The following ODAD2 variants were observed in gnomAD, a reference collection of about 807,000 sequenced individuals.
ODAD2 encodes the protein outer dynein arm-docking complex subunit 2.
ODAD2 carries 89 observed loss-of-function variants against 106.8 expected under a neutral mutation model. The observed-to-expected ratio is 0.83, with a 90% CI of 0.70 to 0.99. ODAD2 has a LOEUF of 0.99. ODAD2 is among the 50% of genes least tolerant of loss of function. The probability of loss-of-function intolerance (pLI) is 0.00; values close to 1 mark genes in which losing one functional copy is unlikely to be tolerated. For synonymous variants in ODAD2, 404 were observed against 436.2 expected (o/e 0.93, Z 0.92); for missense variants, 1,168 against 1,238.5 (o/e 0.94, Z 0.85).
At chr10:27,832,136 C>T (rs997507232) in intron 19 of ODAD2, among the ~76,000 whole-genome samples, 7 of 152,334 alleles carry the variant, frequency 4.6e-5, no homozygotes, top group East Asian at 1.9e-4. Flanking sequence ...GCTGCAGCAA[C>T]GAATGAGGCT....
chr10:27,822,125 C>T lies in ODAD2; in HGVS notation c.3022-9500G>A, dbSNP rs982160088. Among the ~76,000 whole-genome samples, 8 of 152,204 alleles carry T rather than the reference C, an allele frequency of 5.3e-5. No homozygotes were observed. The South Asian group carries it at 1.7e-3, about 31-fold the overall frequency. ...TGTAAAAGGCTTTGATCTTAAGGTT[C>T]ATGCCCTCGGCATGCAGCTGTGACC... On this transcript the variant is annotated intron_variant, in intron 19 of 19. Coordinates refer to ENST00000305242, the MANE Select transcript of ODAD2 (RefSeq NM_018076.5).
At chr10:27,826,781 C>A (rs1374844536) in intron 19 of ODAD2, among the ~76,000 whole-genome samples, 1 of 152,118 alleles carries the variant, frequency 6.6e-6, no homozygotes, top group African/African-American at 2.4e-5. Context: ...CCTTCCTGCT[C>A]TTGCCAATTA....
chr10:27,942,434 C>T (rs1233018588), intron 12 of ODAD2, among the ~76,000 whole-genome samples: 3 of 152,084 alleles, frequency 2.0e-5, no homozygotes, highest in African/African-American at 7.2e-5. Context: ...TTGTTTATAT[C>T]AGTTAGTCTA....
intron 17 of ODAD2, among the ~76,000 whole-genome samples, chr10:27,875,578 G>A (rs1256211030): frequency 2.0e-5 from 3 of 152,180 alleles, no homozygotes; most frequent in Non-Finnish European, 4.4e-5. Context: ...TTCCAAGATG[G>A]CCGAATAGGA....
At chr10:27,832,250 A>G (rs948417787) in intron 19 of ODAD2, among the ~76,000 whole-genome samples, 30 of 152,254 alleles carry the variant, frequency 2.0e-4, no homozygotes, top group African/African-American at 7.2e-4. Context: ...AAACTTATTA[A>G]TCACTCTTTT....
chr10:27,907,859 T>C, intron 16 of ODAD2, 82 bp from the exon 17 acceptor site: 15 of 960,408 alleles, frequency 1.6e-5, no homozygotes, highest in Non-Finnish European at 2.0e-5. Flanking sequence ...TATTTAATTA[T>C]TTTTTCTCCT....
intron 16 of ODAD2, among the ~76,000 whole-genome samples, chr10:27,930,946 C>T (rs191057685): frequency 4.7e-4 from 72 of 152,232 alleles, no homozygotes; most frequent in African/African-American, 7.0e-4. Context: ...CTTTTCACTC[C>T]GAAATGTCTA....
Position 27,981,469 on chromosome 10 carries a change from T to C in ODAD2, c.933A>G (p.Lys311=). Residue 311 remains lysine, a synonymous_variant, in exon 7 of 20, where the codon AAA becomes AAG. Coordinates refer to ENST00000305242, the MANE Select transcript of ODAD2 (RefSeq NM_018076.5). ...CAAAAGAAACCATAAAACTTACCAA[T>C]TTAGACATATTTTCTGAAAATTTTG... ...KSPKFSENMS[K]LGISFSEDQQ... is the part of the protein sequence containing the mutation. 4.0e-6 allele frequency: 6 copies of C among 1,505,892 alleles called. No individual in the cohort carries two copies. Among genetic ancestry groups the C allele is most frequent in the Non-Finnish European group, 5.3e-6 (6 of 1,137,568 alleles). 93.3% of individuals were successfully genotyped at this position (1,505,892 alleles called of 1,614,324 possible).
intron 8 of ODAD2, among the ~76,000 whole-genome samples, chr10:27,969,293 C>T (rs1477237752): frequency 6.6e-6 from 1 of 151,668 alleles, no homozygotes; most frequent in African/African-American, 2.4e-5. Context: ...GCACCCGATG[C>T]CTTCTACTCT....
In ODAD2 at chr10:27,936,725, C is replaced by CT; in HGVS notation, c.2252dup (p.Phe752ValfsTer8). 1 of 1,613,902 alleles carries CT rather than the reference C, an allele frequency of 6.2e-7. No homozygotes were observed. The highest frequency in any genetic ancestry group is 8.5e-7 in the Non-Finnish European group (1 of 1,179,890). On this transcript the variant is annotated frameshift_variant and splice_region_variant. Transcript: ENST00000305242. LOFTEE classifies it high-confidence loss of function. Reference sequence around the variant, plus strand: ...TCAGAATATTGAGAGCCTTCTCTTACTTGGTAACATTCTCTTTGCTGATGG... The same window carrying CT: ...TCAGAATATTGAGAGCCTTCTCTTACTTTGGTAACATTCTCTTTGCTGATGG...
chr10:27,963,121 C>T (rs986141647), intron 9 of ODAD2, among the ~76,000 whole-genome samples: 2 of 152,002 alleles, frequency 1.3e-5, no homozygotes, highest in African/African-American at 4.8e-5. Context: ...GATTCTCCTG[C>T]CTCAGCCTCC....
chr10:27,832,705 CG>C (rs1290689336), intron 19 of ODAD2, among the ~76,000 whole-genome samples: 1 of 152,148 alleles, frequency 6.6e-6, no homozygotes, highest in Non-Finnish European at 1.5e-5. Context: ...TCTCCTTAAA[CG>C]TTATTGCTCA....
rs761516242 is a variant in ODAD2 at position 27,972,694 on chromosome 10, C to T, written c.937-1381G>A. ...ACAGGGACGAAGAGGAGCACACATA[C>T]TAATAGAGGATCAATTAGCACACAA... On this transcript the variant is annotated intron_variant, in intron 7 of 19. Transcript: ENST00000305242. 3.0e-4 allele frequency among the ~76,000 whole-genome samples: 45 copies of T among 152,090 alleles called. 1 individual carries two copies. The highest frequency in any genetic ancestry group is 6.2e-4 in the Non-Finnish European group (42 of 68,016).
At chr10:27,950,237 G>C (rs1847235262) in intron 10 of ODAD2, among the ~76,000 whole-genome samples, 1 of 152,178 alleles carries the variant, frequency 6.6e-6, no homozygotes, top group Non-Finnish European at 1.5e-5. Context: ...AGAGGACCTG[G>C]TGCCCAGCAT....
intron 17 of ODAD2, among the ~76,000 whole-genome samples, chr10:27,871,577 T>G (rs893161245): frequency 2.0e-5 from 3 of 152,220 alleles, no homozygotes; most frequent in African/African-American, 4.8e-5. Flanking sequence ...TACATATGGC[T>G]AGCCAGTTTT....
chr10:27,931,725 G>T (rs555822982), intron 16 of ODAD2, among the ~76,000 whole-genome samples: 164 of 148,946 alleles, frequency 1.1e-3, no homozygotes, highest in African/African-American at 3.9e-3. Flanking sequence ...GTAATGCAAT[G>T]ATAACATTTA....
chr10:27,875,418 G>A (rs563669445), intron 17 of ODAD2, among the ~76,000 whole-genome samples: 2 of 152,264 alleles, frequency 1.3e-5, no homozygotes, highest in East Asian at 1.9e-4. Context: ...TCCTTTGGAG[G>A]GGGAGAGGCA....
At chr10:27,931,156 A>G (rs1356133239) in intron 16 of ODAD2, among the ~76,000 whole-genome samples, 1 of 152,168 alleles carries the variant, frequency 6.6e-6, no homozygotes, top group Admixed American at 6.5e-5. Context: ...AAGGTTGACT[A>G]TGCTTCGAAT....
chr10:27,979,724 T>C (rs1168360313), intron 7 of ODAD2, among the ~76,000 whole-genome samples: 3 of 152,066 alleles, frequency 2.0e-5, no homozygotes, highest in Admixed American at 6.6e-5. Flanking sequence ...AATATACAAA[T>C]AAATGGAAAG....
Sources: gnomAD v4.1 joint callset for allele counts (sites outside exome capture counted in the v4.1 genomes callset) on GRCh38, gnomAD v4.1.1 for gene constraint, MANE v1.5 for transcripts, NCBI Gene and HGNC (gene_info 2026-07-23, HGNC 2026-07-21) for gene names.